LRP1B: variants seen among roughly 807,000 people sequenced by gnomAD.
LRP1B encodes the protein low-density lipoprotein receptor-related protein 1B.
In LRP1B, 217 loss-of-function variants were observed where a neutral mutation model predicts 556.6. That is an observed-to-expected ratio of 0.39 (90% CI 0.35 to 0.44). The LOEUF (loss-of-function observed/expected upper bound fraction) is 0.44. Among genes scored for constraint, LRP1B ranks in the 20% least tolerant of loss-of-function variants. The pLI, the probability that LRP1B is intolerant of heterozygous loss-of-function variation, is 1.00. For missense variants in LRP1B, 5,053 were observed against 5,620.8 expected (o/e 0.90, Z 3.23); for synonymous variants, 2,047 against 1,865.8 (o/e 1.10, Z -2.50).
chr2:140,765,054 C>G (rs942289051), intron 35 of LRP1B, among the ~76,000 whole-genome samples: 1 of 152,062 alleles, frequency 6.6e-6, no homozygotes, highest in African/African-American at 2.4e-5. Context: ...GCCTCAAACT[C>G]CTGGCCTCAA....
At chr2:141,024,950 C>G (rs747952559) in intron 11 of LRP1B, among the ~76,000 whole-genome samples, 3 of 152,032 alleles carry the variant, frequency 2.0e-5, no homozygotes, top group Non-Finnish European at 4.4e-5. Context: ...AAGTGACTGT[C>G]TCTTTCTCTC....
chr2:140,370,668 C>A (rs201546757), intron 71 of LRP1B, 42 bp downstream of exon 71: 2 of 1,606,374 alleles, frequency 1.2e-6, no homozygotes, highest in East Asian at 2.2e-5. Context: ...CCTTAACTTT[C>A]ATTCTCTCAT....
chr2:141,075,974 T>C (rs1194051585), intron 7 of LRP1B, among the ~76,000 whole-genome samples: 1 of 152,202 alleles, frequency 6.6e-6, no homozygotes, highest in Non-Finnish European at 1.5e-5. Flanking sequence ...GATGATAAAA[T>C]CATAGGATTA....
chr2:140,460,078 T>A (rs1687255558), intron 60 of LRP1B, among the ~76,000 whole-genome samples: 1 of 152,170 alleles, frequency 6.6e-6, no homozygotes, highest in Admixed American at 6.5e-5. Flanking sequence ...ACAAGTAAAG[T>A]TCATTTTGCA....
At position 141,821,716 on chromosome 2, in the gene LRP1B, A is replaced by G. The variant is rs866586186; in HGVS notation, c.83-11315T>C. The stretch of plus-strand genomic sequence containing the variant: ...GTAATAGTATATTTTTATGCTTTCT[A>G]TTGGATGCTACCAAATGTGTAATCA... On this transcript the variant is annotated intron_variant, in intron 1 of 90. Coordinates refer to ENST00000389484, the MANE Select transcript of LRP1B (RefSeq NM_018557.3). Among the ~76,000 whole-genome samples the G allele has an allele frequency of 1.1e-4, 16 of 152,160 alleles. 1 individual carries two copies. Among genetic ancestry groups the G allele is most frequent in the Admixed American group, 2.0e-4 (3 of 15,272 alleles).
chr2:140,234,605 T>A, intron 90 of LRP1B, 181 bp downstream of exon 90: 1 of 478,714 alleles, frequency 2.1e-6, no homozygotes, highest in East Asian at 3.1e-5. Flanking sequence ...AAAATAATGT[T>A]TTAGATGTAA....
intron 20 of LRP1B, among the ~76,000 whole-genome samples, chr2:140,941,462 G>A (rs1361099965): frequency 6.6e-6 from 1 of 152,122 alleles, no homozygotes; most frequent in African/African-American, 2.4e-5. Context: ...CTGGTCCCCA[G>A]AAACCAAACC....
At chr2:141,088,165 T>C (rs913609209) in intron 7 of LRP1B, among the ~76,000 whole-genome samples, 1 of 152,152 alleles carries the variant, frequency 6.6e-6, no homozygotes, top group Non-Finnish European at 1.5e-5. Flanking sequence ...TTATGTACAA[T>C]AGAAATCCTA....
At chr2:141,132,225 C>T (rs1251891160) in intron 7 of LRP1B, among the ~76,000 whole-genome samples, 1 of 151,820 alleles carries the variant, frequency 6.6e-6, no homozygotes, top group Non-Finnish European at 1.5e-5. Flanking sequence ...GGGATGGGGC[C>T]TGATGTGAGG....
At chr2:141,876,569 T>C (rs1698766021) in intron 1 of LRP1B, among the ~76,000 whole-genome samples, 1 of 151,964 alleles carries the variant, frequency 6.6e-6, no homozygotes, top group Non-Finnish European at 1.5e-5. Context: ...AGTTCAAAAA[T>C]TCTATTAGTT....
chr2:141,122,891 A>G (rs1027026968), intron 7 of LRP1B, among the ~76,000 whole-genome samples: 1 of 152,192 alleles, frequency 6.6e-6, no homozygotes, highest in Non-Finnish European at 1.5e-5. Context: ...AAAATGTGGC[A>G]CATATACACC....
At chr2:140,654,905 T>C (rs1684822215) in intron 41 of LRP1B, among the ~76,000 whole-genome samples, 1 of 152,184 alleles carries the variant, frequency 6.6e-6, no homozygotes, top group South Asian at 2.1e-4. Flanking sequence ...CTATGCTTTT[T>C]CCCACACACC....
chr2:141,478,357 A>G (rs1682789443), intron 3 of LRP1B, among the ~76,000 whole-genome samples: 1 of 152,226 alleles, frequency 6.6e-6, no homozygotes, highest in Admixed American at 6.5e-5. Flanking sequence ...AAGCTTAGTC[A>G]TACATATCTA....
chr2:140,375,173 A>ATGTGTGTG (rs34597866), intron 68 of LRP1B, among the ~76,000 whole-genome samples: 285 of 144,208 alleles, frequency 2.0e-3, no homozygotes, highest in African/African-American at 6.9e-3. Flanking sequence ...TACTGTGTGT[A>ATGTGTGTG]TGTGTGTGTG....
chr2:141,758,495 C>A (rs1215247579), intron 2 of LRP1B, among the ~76,000 whole-genome samples: 1 of 151,908 alleles, frequency 6.6e-6, no homozygotes, highest in Non-Finnish European at 1.5e-5. Context: ...AGCTAACATG[C>A]TCAAAGTATT....
chr2:140,759,821 T>C (rs1264794628), intron 35 of LRP1B, among the ~76,000 whole-genome samples: 1 of 152,198 alleles, frequency 6.6e-6, no homozygotes, highest in African/African-American at 2.4e-5. Context: ...CGAAGGTGTG[T>C]ATGCACATAC....
In LRP1B at chr2:140,239,543, A is replaced by C; in HGVS notation, c.13325-11T>G. The C allele has an allele frequency of 1.3e-6, 2 of 1,547,538 alleles. No individual in the cohort carries two copies. The highest frequency in any genetic ancestry group is 1.8e-6 in the Non-Finnish European group (2 of 1,124,964). ...TGATGGCAATGCTTCCTGGAAAATA[A>C]ATGAGTGAATAGATGAAGAAATAAA... On this transcript the variant is annotated splice_polypyrimidine_tract_variant and intron_variant, in intron 87 of 90. Coordinates refer to ENST00000389484, the MANE Select transcript of LRP1B (RefSeq NM_018557.3).
intron 1 of LRP1B, among the ~76,000 whole-genome samples, chr2:141,841,917 C>A (rs1468437701): frequency 1.3e-5 from 2 of 151,922 alleles, no homozygotes; most frequent in African/African-American, 4.8e-5. Flanking sequence ...ATTTGCATTT[C>A]AATATTAATA....
chr2:142,092,577 A>G (rs1706212986), intron 1 of LRP1B, among the ~76,000 whole-genome samples: 2 of 152,076 alleles, frequency 1.3e-5, no homozygotes, highest in Non-Finnish European at 2.9e-5. Context: ...GGAGTGGATT[A>G]AAAGTATTGC....
Sources: allele counts gnomAD v4.1 joint callset (sites outside exome capture counted in the v4.1 genomes callset), GRCh38; gene constraint gnomAD v4.1.1; transcripts MANE v1.5; gene names NCBI Gene and HGNC (gene_info 2026-07-23, HGNC 2026-07-21).